Variants in TRPM3 observed in about 807,000 individuals in gnomAD.
TRPM3 encodes long transient receptor potential channel 3.
A neutral mutation model predicts 181.2 loss-of-function variants in TRPM3; 77 were observed. The ratio of observed to expected loss-of-function variants is 0.42; its 90% CI spans 0.35 to 0.51. The LOEUF (loss-of-function observed/expected upper bound fraction) is 0.51. Ranked by LOEUF, TRPM3 falls within the 20% of genes least tolerant of loss-of-function variation. The pLI, the probability that TRPM3 is intolerant of heterozygous loss-of-function variation, is 0.01. For missense variants in TRPM3, 1,759 were observed against 2,196.7 expected (o/e 0.80, Z 3.98); for synonymous variants, 745 against 796.4 (o/e 0.94, Z 1.09).
At chr9:70,616,481 T>C (rs1385824516) in intron 17 of TRPM3, among the ~76,000 whole-genome samples, 1 of 148,412 alleles carries the variant, frequency 6.7e-6, no homozygotes, top group Non-Finnish European at 1.5e-5. Flanking sequence ...ATTTTGACTG[T>C]GAAATCAATT....
At chr9:71,097,992 T>C (rs769623106) in intron 1 of TRPM3, among the ~76,000 whole-genome samples, 6 of 152,038 alleles carry the variant, frequency 3.9e-5, no homozygotes, top group African/African-American at 7.2e-5. Context: ...CTCAAGTACA[T>C]CCTGCCATGA....
intron 1 of TRPM3, among the ~76,000 whole-genome samples, chr9:71,317,419 T>G (rs1368173395): frequency 1.3e-5 from 2 of 152,064 alleles, no homozygotes; most frequent in Non-Finnish European, 2.9e-5. Context: ...ACAGGCAGAT[T>G]GCTTGCGCAT....
chr9:70,917,836 C>A (rs200719351), intron 1 of TRPM3, among the ~76,000 whole-genome samples: 1 of 151,742 alleles, frequency 6.6e-6, no homozygotes, highest in East Asian at 1.9e-4. Flanking sequence ...AGTCTCCAAT[C>A]AAAAGACATA....
chr9:70,903,838 C>T (rs1377301861), intron 1 of TRPM3, among the ~76,000 whole-genome samples: 1 of 152,054 alleles, frequency 6.6e-6, no homozygotes, highest in Non-Finnish European at 1.5e-5. Flanking sequence ...GTTCGTTTAA[C>T]AATCCATTGT....
chr9:70,898,971 A>G (rs1337226933), intron 1 of TRPM3, among the ~76,000 whole-genome samples: 1 of 152,152 alleles, frequency 6.6e-6, no homozygotes, highest in Non-Finnish European at 1.5e-5. Context: ...TTTGTTACCA[A>G]TATGAAGCTT....
chr9:71,332,709 C>T (rs1232157486), intron 1 of TRPM3, among the ~76,000 whole-genome samples: 1 of 151,606 alleles, frequency 6.6e-6, no homozygotes, highest in Non-Finnish European at 1.5e-5. Context: ...CATTCATATA[C>T]AATTTTATAG....
chr9:71,113,695 T>C (rs1049643592), intron 1 of TRPM3, among the ~76,000 whole-genome samples: 24 of 152,318 alleles, frequency 1.6e-4, no homozygotes, highest in Admixed American at 5.9e-4. Context: ...TCTGTGAGCA[T>C]GAGAACTTTA....
chr9:70,796,563 T>C (rs2087084713), intron 6 of TRPM3, among the ~76,000 whole-genome samples: 1 of 152,204 alleles, frequency 6.6e-6, no homozygotes, highest in Non-Finnish European at 1.5e-5. Context: ...CATAGCATTT[T>C]CTTTTTAAAA....
chr9:70,584,768 A>T (rs990877590), intron 22 of TRPM3, among the ~76,000 whole-genome samples: 7 of 152,148 alleles, frequency 4.6e-5, no homozygotes, highest in Admixed American at 1.3e-4. Context: ...TTTTCCCTTC[A>T]TCTTACACCT....
chr9:70,638,885 C>A (rs2057629569), intron 11 of TRPM3, among the ~76,000 whole-genome samples, 175 bp downstream of exon 11: 2 of 152,032 alleles, frequency 1.3e-5, no homozygotes, highest in Non-Finnish European at 1.5e-5. Context: ...TTAAAACAAG[C>A]GGAATCTTGG....
intron 1 of TRPM3, among the ~76,000 whole-genome samples, chr9:71,149,663 T>G (rs1226515108): frequency 6.6e-6 from 1 of 152,018 alleles, no homozygotes; most frequent in East Asian, 1.9e-4. Context: ...AAATATACAG[T>G]TAAAATATTT....
chr9:71,135,452 G>A (rs748250988), intron 1 of TRPM3, among the ~76,000 whole-genome samples: 4 of 152,112 alleles, frequency 2.6e-5, no homozygotes, highest in Non-Finnish European at 5.9e-5. Context: ...TTGGGTCTCA[G>A]AATAATGTAT....
At chr9:70,759,641 T>C (rs1012748495) in intron 8 of TRPM3, among the ~76,000 whole-genome samples, 1 of 152,188 alleles carries the variant, frequency 6.6e-6, no homozygotes, top group Non-Finnish European at 1.5e-5. Context: ...CACCATGGAA[T>C]ACTATGCAGC....
intron 1 of TRPM3, among the ~76,000 whole-genome samples, chr9:71,202,702 G>C (rs1587931907): frequency 6.6e-6 from 1 of 152,154 alleles, no homozygotes; most frequent in South Asian, 2.1e-4. Flanking sequence ...GCGCAGCATA[G>C]TTTTTAAGAG....
chr9:71,067,082 G>A (rs2062025568), intron 1 of TRPM3, among the ~76,000 whole-genome samples: 1 of 152,070 alleles, frequency 6.6e-6, no homozygotes, highest in South Asian at 2.1e-4. Flanking sequence ...ATGCATAAAA[G>A]CACTCCAACG....
intron 1 of TRPM3, among the ~76,000 whole-genome samples, chr9:71,200,842 G>A (rs973543346): frequency 6.6e-6 from 1 of 151,302 alleles, no homozygotes; most frequent in Admixed American, 6.6e-5. Context: ...GCCAGTCTGT[G>A]TCTTTTAATT....
chr9:71,390,458 A>G (rs539053342), intron 1 of TRPM3, among the ~76,000 whole-genome samples: 1 of 152,104 alleles, frequency 6.6e-6, no homozygotes, highest in African/African-American at 2.4e-5. Context: ...TTATATTCTG[A>G]TCATTTTGAA....
At chr9:70,958,725 T>C (rs7035595) in intron 1 of TRPM3, among the ~76,000 whole-genome samples, 116,761 of 151,090 alleles carry the variant, frequency 0.77, 45,530 homozygotes, top group African/African-American at 0.84. Flanking sequence ...TATTGTGGCA[T>C]TATTCACAAT....
chr9:71,328,488 C>A (rs1237895239), intron 1 of TRPM3, among the ~76,000 whole-genome samples: 1 of 152,152 alleles, frequency 6.6e-6, no homozygotes, highest in Non-Finnish European at 1.5e-5. Flanking sequence ...ATCTTCCCCA[C>A]ATATGTGGAA....
Sources: allele counts gnomAD v4.1 joint callset (sites outside exome capture counted in the v4.1 genomes callset), GRCh38; gene constraint gnomAD v4.1.1; transcripts MANE v1.5; gene names NCBI Gene and HGNC (gene_info 2026-07-23, HGNC 2026-07-21).